NTRK2: variants seen among roughly 807,000 people sequenced by gnomAD.
NTRK2 encodes neurotrophic receptor tyrosine kinase 2, also known as BDNF/NT-3 growth factors receptor.
Under a neutral mutation model 94.5 loss-of-function variants are expected in NTRK2, and 13 were observed. The ratio of observed to expected loss-of-function variants is 0.14; its 90% CI spans 0.09 to 0.22. The LOEUF (loss-of-function observed/expected upper bound fraction) is 0.22. Among genes scored for constraint, NTRK2 ranks in the 10% least tolerant of loss-of-function variants. The pLI is 1.00. For missense variants in NTRK2, 639 were observed against 1,071.2 expected (o/e 0.60, Z 5.63); for synonymous variants, 372 against 407.4 (o/e 0.91, Z 1.05).
At chr9:84,924,826 G>A (rs2077700919) in intron 14 of NTRK2, among the ~76,000 whole-genome samples, 1 of 152,170 alleles carries the variant, frequency 6.6e-6, no homozygotes, top group Admixed American at 6.5e-5. Context: ...TTAAACATTA[G>A]TCTAGTGAGG....
At chr9:84,768,707 A>C (rs2066255858) in intron 12 of NTRK2, among the ~76,000 whole-genome samples, 1 of 152,114 alleles carries the variant, frequency 6.6e-6, no homozygotes, top group Admixed American at 6.6e-5. Flanking sequence ...AGAGCTCAGG[A>C]CTATTGCAAT....
At chr9:84,682,530 G>A (rs973959826) in intron 2 of NTRK2, among the ~76,000 whole-genome samples, 1 of 152,014 alleles carries the variant, frequency 6.6e-6, no homozygotes, top group African/African-American at 2.4e-5. Flanking sequence ...CATAGTTAGG[G>A]ATAGGATCCT....
chr9:84,787,500 T>C (rs2068246010), intron 12 of NTRK2, among the ~76,000 whole-genome samples: 1 of 152,136 alleles, frequency 6.6e-6, no homozygotes. Flanking sequence ...ATCCCTCACT[T>C]ATTCAGGGTA....
intron 14 of NTRK2, among the ~76,000 whole-genome samples, chr9:84,905,609 A>G (rs1353988138): frequency 6.6e-6 from 1 of 152,228 alleles, no homozygotes; most frequent in East Asian, 1.9e-4. Flanking sequence ...TTTTAGGTGT[A>G]TACTGGCTAA....
At chr9:84,871,447 T>C (rs887834164) in intron 14 of NTRK2, among the ~76,000 whole-genome samples, 1 of 152,216 alleles carries the variant, frequency 6.6e-6, no homozygotes, top group Non-Finnish European at 1.5e-5. Flanking sequence ...TACTCTGAGT[T>C]AGACTTGAAG....
intron 17 of NTRK2, among the ~76,000 whole-genome samples, chr9:84,968,049 A>G (rs887601959): frequency 6.6e-6 from 1 of 152,216 alleles, no homozygotes; most frequent in Non-Finnish European, 1.5e-5. Flanking sequence ...GGGGTCTTGT[A>G]AGGAAGACTG....
intron 14 of NTRK2, among the ~76,000 whole-genome samples, chr9:84,908,182 A>T (rs2077132284): frequency 6.6e-6 from 1 of 152,254 alleles, no homozygotes; most frequent in Admixed American, 6.5e-5. Context: ...GTGGGAAACG[A>T]CATTTACCTC....
At chr9:84,844,934 T>C (rs2074389936) in intron 12 of NTRK2, among the ~76,000 whole-genome samples, 1 of 151,586 alleles carries the variant, frequency 6.6e-6, no homozygotes, top group African/African-American at 2.4e-5. Flanking sequence ...AGAATGGCCA[T>C]AATTTAAAAG....
chr9:84,890,379 T>C (rs963164111), intron 14 of NTRK2, among the ~76,000 whole-genome samples: 6 of 152,234 alleles, frequency 3.9e-5, no homozygotes, highest in Non-Finnish European at 8.8e-5. Context: ...CTATTACATT[T>C]AGAGATTTAA....
intron 14 of NTRK2, chr9:84,874,948 T>A: frequency 9.5e-7 from 1 of 1,055,902 alleles, no homozygotes; most frequent in Non-Finnish European, 1.1e-6. Context: ...TCACCCAAAA[T>A]GCCTTCAAGT....
At position 84,825,926 on chromosome 9, in the gene NTRK2, T is replaced by A. The variant is rs115531103; in HGVS notation, c.1397-35114T>A. Among the ~76,000 whole-genome samples, 551 of 152,328 alleles carry A rather than the reference T, an allele frequency of 3.6e-3. 5 individuals carry two copies. The highest frequency in any genetic ancestry group is 0.013 in the African/African-American group (525 of 41,582). ...TCAGTTGAGTTCACTTTTGTTGAGA[T>A]GTGTGAATGTTTCTGAGTAAAGCTA... On this transcript the variant is annotated intron_variant, in intron 12 of 18. Transcript: ENST00000277120.
chr9:84,847,325 A>G (rs537856251), intron 12 of NTRK2, among the ~76,000 whole-genome samples: 1 of 152,334 alleles, frequency 6.6e-6, no homozygotes, highest in Admixed American at 6.5e-5. Context: ...CTATTGCCCA[A>G]TCCCTGTGTT....
At chr9:84,931,637 T>C (rs971427676) in intron 14 of NTRK2, among the ~76,000 whole-genome samples, 3 of 151,744 alleles carry the variant, frequency 2.0e-5, no homozygotes, top group Non-Finnish European at 4.4e-5. Context: ...AAATTGTGGC[T>C]TTGGCCTTAA....
intron 14 of NTRK2, among the ~76,000 whole-genome samples, chr9:84,931,287 G>A (rs1244832875): frequency 6.6e-6 from 1 of 151,922 alleles, no homozygotes; most frequent in Non-Finnish European, 1.5e-5. Context: ...CACACCTGTA[G>A]TCTCAGCTAC....
chr9:84,860,626 G>A (rs552769609), intron 12 of NTRK2, among the ~76,000 whole-genome samples: 1 of 152,212 alleles, frequency 6.6e-6, no homozygotes, highest in East Asian at 1.9e-4. Flanking sequence ...TGCATTGTGT[G>A]TGTCTTCACC....
At chr9:84,916,738 C>G (rs2077404836) in intron 14 of NTRK2, among the ~76,000 whole-genome samples, 1 of 152,024 alleles carries the variant, frequency 6.6e-6, no homozygotes, top group African/African-American at 2.4e-5. Context: ...AGTCAAAGAC[C>G]AAGTGGCAGA....
chr9:84,959,171 A>G (rs1031639062), intron 17 of NTRK2, among the ~76,000 whole-genome samples: 4 of 152,190 alleles, frequency 2.6e-5, no homozygotes, highest in Non-Finnish European at 5.9e-5. Context: ...ATCCTCTTCA[A>G]CACTCTGCAT....
chr9:84,954,435 G>A (rs1207776445), intron 16 of NTRK2, among the ~76,000 whole-genome samples: 1 of 152,166 alleles, frequency 6.6e-6, no homozygotes, highest in Non-Finnish European at 1.5e-5. Flanking sequence ...AGGTGTGTAA[G>A]ACAGAAGAAA....
At chr9:84,815,636 A>G in intron 12 of NTRK2, 1 of 988,690 alleles carries the variant, frequency 1.0e-6, no homozygotes, top group South Asian at 4.8e-5. Context: ...TTAACAATGT[A>G]GATAGATCAT....
Sources: gnomAD v4.1 joint callset for allele counts (sites outside exome capture counted in the v4.1 genomes callset) on GRCh38, gnomAD v4.1.1 for gene constraint, MANE v1.5 for transcripts, NCBI Gene and HGNC (gene_info 2026-07-23, HGNC 2026-07-21) for gene names.